The following LRP6 variants were observed in gnomAD, a reference collection of about 807,000 sequenced individuals.
LRP6 encodes the protein LDL receptor related protein 6.
In LRP6, 43 loss-of-function variants were observed where a neutral mutation model predicts 184.1. The ratio of observed to expected loss-of-function variants is 0.23; its 90% CI spans 0.18 to 0.30. LRP6 has a LOEUF of 0.30. Among genes scored for constraint, LRP6 ranks in the 10% least tolerant of loss-of-function variants. LRP6 has a pLI of 1.00. For missense variants in LRP6, 1,571 were observed against 2,005.3 expected (o/e 0.78, Z 4.14); for synonymous variants, 719 against 684.9 (o/e 1.05, Z -0.78).
chr12:12,218,972 C>T lies in LRP6; in HGVS notation c.450-15572G>A, dbSNP rs117681729. On this transcript the variant is annotated intron_variant, in intron 2 of 22. Coordinates refer to ENST00000261349, the MANE Select transcript of LRP6 (RefSeq NM_002336.3). The stretch of plus-strand genomic sequence containing the variant: ...AACAATGTGGGGCTGGGTGTGGTTG[C>T]TCACGCCTGTAATCCCAGCACTTTG... Among the ~76,000 whole-genome samples, 187 of 152,248 alleles carry T rather than the reference C, an allele frequency of 1.2e-3. 3 individuals are homozygous for T. In the East Asian group the frequency reaches 0.032, roughly 26 times the overall value.
At chr12:12,175,388 C>T (rs895827762) in intron 7 of LRP6, among the ~76,000 whole-genome samples, 49 of 149,974 alleles carry the variant, frequency 3.3e-4, no homozygotes, top group Non-Finnish European at 5.5e-4. Context: ...GACCCTGTCT[C>T]AAAAAATAAA....
intron 7 of LRP6, among the ~76,000 whole-genome samples, chr12:12,170,287 G>A (rs138134105): frequency 1.5e-3 from 232 of 152,180 alleles, no homozygotes; most frequent in Admixed American, 2.9e-3. Flanking sequence ...AGCTGACACC[G>A]CACCACTGCA....
At chr12:12,122,964 C>T (rs1949624421) in intron 22 of LRP6, among the ~76,000 whole-genome samples, 1 of 151,908 alleles carries the variant, frequency 6.6e-6, no homozygotes, top group South Asian at 2.1e-4. Flanking sequence ...TTGTTTAACT[C>T]TTTGTCCAAT....
At chr12:12,132,334 T>C (rs1024099925) in intron 17 of LRP6, among the ~76,000 whole-genome samples, 1 of 152,184 alleles carries the variant, frequency 6.6e-6, no homozygotes, top group Non-Finnish European at 1.5e-5. Flanking sequence ...TGCAATCCGT[T>C]ACAGTCTCAC....
intron 9 of LRP6, 127 bp from the exon 10 acceptor site, chr12:12,162,546 T>C: frequency 1.3e-6 from 1 of 755,498 alleles, no homozygotes; most frequent in Non-Finnish European, 2.3e-6. Context: ...CTATTTCCTA[T>C]TAAAATTCAC....
intron 2 of LRP6, among the ~76,000 whole-genome samples, chr12:12,236,759 G>A (rs1419687189): frequency 6.6e-6 from 1 of 152,204 alleles, no homozygotes; most frequent in African/African-American, 2.4e-5. Flanking sequence ...TTATTATAAA[G>A]GATATTACAA....
intron 3 of LRP6, among the ~76,000 whole-genome samples, chr12:12,189,508 A>T (rs1348372995): frequency 6.7e-6 from 1 of 150,348 alleles, no homozygotes; most frequent in Non-Finnish European, 1.5e-5. Context: ...ACTAATATTA[A>T]TTTTTTTTTT....
intron 21 of LRP6, among the ~76,000 whole-genome samples, chr12:12,124,889 T>G (rs1423322882): frequency 6.6e-6 from 1 of 152,178 alleles, no homozygotes; most frequent in Non-Finnish European, 1.5e-5. Context: ...AACGAAAATC[T>G]GTAACCTAAA....
intron 3 of LRP6, among the ~76,000 whole-genome samples, chr12:12,196,434 G>A (rs1322150604): frequency 6.6e-6 from 1 of 151,774 alleles, no homozygotes; most frequent in East Asian, 1.9e-4. Context: ...TTTATTCCTA[G>A]GTATTTTATT....
intron 2 of LRP6, among the ~76,000 whole-genome samples, chr12:12,234,850 C>T (rs1864892094): frequency 6.6e-6 from 1 of 151,306 alleles, no homozygotes; most frequent in African/African-American, 2.4e-5. Flanking sequence ...TATACACATT[C>T]ACATTCTGAG....
rs1192616932 is a variant in LRP6, at chr12:12,158,908, G to A, written c.2712C>T (p.Cys904=). ...ASSNGHCSHL[C]LAVPVGGFVC... ...CAAAACCCCCAACTGGCACAGCCAAGCAGAGGTGGGAGCAGTGCCCATTGC... is the reference window on the plus strand; with the variant it reads ...CAAAACCCCCAACTGGCACAGCCAAACAGAGGTGGGAGCAGTGCCCATTGC... Residue 904 remains cysteine (C), a synonymous_variant, in exon 12 of 23, where the codon TGC becomes TGT. Transcript: ENST00000261349. 6.2e-7 allele frequency: 1 copy of A among 1,614,230 alleles called. No homozygotes were observed. Among genetic ancestry groups the A allele is most frequent in the Admixed American group, 1.7e-5 (1 of 60,028 alleles).
At chr12:12,210,404 T>G (rs1864177382) in intron 2 of LRP6, among the ~76,000 whole-genome samples, 2 of 152,182 alleles carry the variant, frequency 1.3e-5, no homozygotes, top group African/African-American at 4.8e-5. Context: ...ATGGATGAAT[T>G]GAAGCATCCT....
chr12:12,253,563 ACCCCTCC>A (rs1306979013), intron 1 of LRP6, among the ~76,000 whole-genome samples: 2 of 132,572 alleles, frequency 1.5e-5, no homozygotes, highest in African/African-American at 5.6e-5. Flanking sequence ...TCCTAATGCT[ACCCCTCC>A]CCCCTCCCCC....
intron 3 of LRP6, among the ~76,000 whole-genome samples, chr12:12,194,499 T>C (rs944266128): frequency 6.6e-6 from 1 of 152,152 alleles, no homozygotes; most frequent in Non-Finnish European, 1.5e-5. Context: ...CTTGCCTTTA[T>C]AGTTTTATTG....
chr12:12,196,265 A>C (rs1014272672), intron 3 of LRP6, among the ~76,000 whole-genome samples: 4 of 151,838 alleles, frequency 2.6e-5, no homozygotes, highest in Admixed American at 1.3e-4. Flanking sequence ...ACTCCACTGA[A>C]TCTGCAGGTT....
chr12:12,244,244 C>T lies in LRP6; in HGVS notation c.449+18G>A, dbSNP rs1455693777. ...GAAAGGAGGTATGATGATCTTCGTA[C>T]ACTGTACAAAAACTTACCCACTTGA... On this transcript the variant is annotated intron_variant, in intron 2 of 22. Coordinates refer to ENST00000261349, the MANE Select transcript of LRP6 (RefSeq NM_002336.3). The T allele has an allele frequency of 2.5e-6, 4 of 1,613,896 alleles. No individual in the cohort carries two copies. Among genetic ancestry groups the T allele is most frequent in the Non-Finnish European group, 3.4e-6 (4 of 1,179,844 alleles).
chr12:12,244,818 T>C (rs1426919327), intron 1 of LRP6, among the ~76,000 whole-genome samples, 163 bp from the exon 2 acceptor site: 2 of 152,186 alleles, frequency 1.3e-5, no homozygotes, highest in Admixed American at 1.3e-4. Flanking sequence ...AAAATATTAT[T>C]TTTGCAGCAT....
intron 2 of LRP6, among the ~76,000 whole-genome samples, chr12:12,218,329 T>G (rs149342171): frequency 1.3e-5 from 2 of 151,794 alleles, no homozygotes; most frequent in East Asian, 1.9e-4. Context: ...ATTTAAAAAT[T>G]TGCCTGGTGT....
At position 12,140,389 on chromosome 12, in the gene LRP6, T is replaced by C. The variant is rs960163864; in HGVS notation, c.3398-1855A>G. ...AACAAAAACACAAAGAGATGGATAA[T>C]AGGTGAGAAAAATACAGCTACAGTC... On this transcript the variant is annotated intron_variant, in intron 15 of 22. Transcript: ENST00000261349. Among the ~76,000 whole-genome samples the C allele has an allele frequency of 2.0e-5, 3 of 151,714 alleles. No homozygotes were observed. The East Asian group carries it at 5.8e-4, about 29-fold the overall frequency.
Sources: gnomAD v4.1 joint callset for allele counts (sites outside exome capture counted in the v4.1 genomes callset) on GRCh38, gnomAD v4.1.1 for gene constraint, MANE v1.5 for transcripts, NCBI Gene and HGNC (gene_info 2026-07-23, HGNC 2026-07-21) for gene names.